The following GTF2H2C variants were observed in gnomAD, a reference collection of about 807,000 sequenced individuals.
GTF2H2C encodes the protein GTF2H2 family member C.
GTF2H2C carries 5 observed loss-of-function variants against 24.8 expected under a neutral mutation model. That is an observed-to-expected ratio of 0.20 (90% CI 0.11 to 0.42). GTF2H2C has a LOEUF of 0.42. Among genes scored for constraint, GTF2H2C ranks in the 20% least tolerant of loss-of-function variants. The probability of loss-of-function intolerance (pLI) is 1.00; values close to 1 mark genes in which losing one functional copy is unlikely to be tolerated. For missense variants in GTF2H2C, 45 were observed against 169.8 expected (o/e 0.27, Z 4.08); for synonymous variants, 14 against 52.6 (o/e 0.27, Z 3.18).
intron 12 of GTF2H2C, among the ~76,000 whole-genome samples, chr5:69,581,574 GTTAT>G (rs1293442090): frequency 7.1e-6 from 1 of 141,052 alleles, no homozygotes; most frequent in East Asian, 2.2e-4. Context: ...TCATTTTAAA[GTTAT>G]TTAAATTTAT....
chr5:69,593,797 C>G lies in GTF2H2C; in HGVS notation c.*1599C>G, dbSNP rs1241376285. On this transcript the variant is annotated 3_prime_UTR_variant, in exon 17 of 17. Transcript: ENST00000380729. ...TAAACATACAAAAAATTAGCTGGGC[C>G]TGGTGGCGGGCGCCTGTAGTCCCAG... 1 of 21,234 alleles carries G rather than the reference C, an allele frequency of 4.7e-5. No homozygotes were observed. Among genetic ancestry groups the G allele is most frequent in the African/African-American group, 1.6e-4 (1 of 6,072 alleles). The allele number at this position is 21,234 out of a possible 1,614,324, so 1.3% of individuals were successfully genotyped here.
intron 2 of GTF2H2C, among the ~76,000 whole-genome samples, chr5:69,564,796 C>A (rs1318219850): frequency 1.3e-5 from 2 of 151,176 alleles, no homozygotes; most frequent in African/African-American, 4.9e-5. Context: ...CCCATACTGA[C>A]TCCTCACAAG....
intron 2 of GTF2H2C, among the ~76,000 whole-genome samples, chr5:69,564,814 T>G (rs1271630649): frequency 1.3e-5 from 2 of 151,536 alleles, no homozygotes; most frequent in African/African-American, 4.8e-5. Flanking sequence ...AAGTCTACAG[T>G]TTGTCATGTG....
chr5:69,585,578 CT>C lies in GTF2H2C; in HGVS notation c.822-11del. The C allele has an allele frequency of 7.3e-5, 3 of 41,268 alleles. No individual in the cohort carries two copies. The highest frequency in any genetic ancestry group is 1.0e-3 in the African/African-American group (1 of 990). The allele number at this position is 41,268 out of a possible 1,614,324, so 2.6% of individuals were successfully genotyped here. Reference sequence around the variant, plus strand: ...ACTTTTCAGATCATTATATATTACCCTTTTTCCCCCTACAGGCATTTGGATG... The same window carrying C: ...ACTTTTCAGATCATTATATATTACCCTTTTCCCCCTACAGGCATTTGGATG... On this transcript the variant is annotated splice_polypyrimidine_tract_variant and intron_variant, in intron 13 of 16. Transcript: ENST00000380729.
intron 12 of GTF2H2C, among the ~76,000 whole-genome samples, chr5:69,580,435 T>A (rs1378244758): frequency 2.8e-5 from 4 of 141,202 alleles, no homozygotes; most frequent in African/African-American, 1.1e-4. Flanking sequence ...TAAAAATTTT[T>A]TAAAATAAGC....
At chr5:69,562,126 C>G (rs1561362215) in intron 1 of GTF2H2C, among the ~76,000 whole-genome samples, 3 of 152,186 alleles carry the variant, frequency 2.0e-5, no homozygotes, top group Non-Finnish European at 2.9e-5. Context: ...CGAGACCAGC[C>G]TGGCCACCAT....
chr5:69,587,612 CAA>C (rs1262481207), intron 15 of GTF2H2C, among the ~76,000 whole-genome samples: 4 of 79,814 alleles, frequency 5.0e-5, no homozygotes, highest in Admixed American at 1.1e-4. Context: ...AGCTGGGCGA[CAA>C]GAGCGAAACT....
rs372454225 is a variant in GTF2H2C, at chr5:69,563,208, G to GTTTT, written c.-34+459_-34+462dup. Reference sequence around the variant, plus strand: ...GATGTCAGCCATCATACCCGGCCTGGTTTTTTTTTTTTTTTTTTTTTTTTG... The same window carrying GTTTT: ...GATGTCAGCCATCATACCCGGCCTGGTTTTTTTTTTTTTTTTTTTTTTTTTTTTG... On this transcript the variant is annotated intron_variant, in intron 2 of 16. Coordinates refer to ENST00000380729, the MANE Select transcript of GTF2H2C (RefSeq NM_001376000.2). 4.5e-3 allele frequency among the ~76,000 whole-genome samples: 488 copies of GTTTT among 107,278 alleles called. 25 individuals are homozygous for GTTTT. Among genetic ancestry groups the GTTTT allele is most frequent in the African/African-American group, 0.02 (462 of 22,736 alleles). 70.4% of individuals were successfully genotyped at this position (107,278 alleles called of 152,430 possible).
chr5:69,591,431 G>A (rs1246096404), intron 16 of GTF2H2C, among the ~76,000 whole-genome samples: 1 of 140,460 alleles, frequency 7.1e-6, no homozygotes, highest in Non-Finnish European at 1.5e-5. Flanking sequence ...GTCATTGTCT[G>A]TGTTGTTTGA....
intron 1 of GTF2H2C, among the ~76,000 whole-genome samples, chr5:69,562,097 T>C (rs868489861): frequency 3.5e-4 from 53 of 152,058 alleles, no homozygotes; most frequent in African/African-American, 1.2e-3. Context: ...GGTGAGTGGG[T>C]CACCTGAGGT....
Position 69,589,875 on chromosome 5 carries a change from C to CTTTTTTTTTTT in GTF2H2C, c.1029-439_1029-429dup, listed in dbSNP as rs1160077149. Among the ~76,000 whole-genome samples the CTTTTTTTTTTT allele has an allele frequency of 5.0e-5, 3 of 60,360 alleles. 1 individual carries two copies. The highest frequency in any genetic ancestry group is 2.7e-5 in the Non-Finnish European group (1 of 36,366). The allele number at this position is 60,360 out of a possible 152,430, so 39.6% of individuals were successfully genotyped here. Reference sequence around the variant, plus strand: ...AATTTTTTTTTAAATTATTGCTATTCTTTTTTTTTTTTTTTTTTTTTTTTG... The same window carrying CTTTTTTTTTTT: ...AATTTTTTTTTAAATTATTGCTATTCTTTTTTTTTTTTTTTTTTTTTTTTTTTTTTTTTTTG... On this transcript the variant is annotated intron_variant, in intron 15 of 16. Coordinates refer to ENST00000380729, the MANE Select transcript of GTF2H2C (RefSeq NM_001376000.2).
intron 8 of GTF2H2C, chr5:69,568,784 C>T (rs1404912435): frequency 5.0e-5 from 4 of 80,548 alleles, no homozygotes; most frequent in Admixed American, 3.5e-4. Context: ...CTTGAGCCAC[C>T]GCATCCGGCC....
Position 69,563,217 on chromosome 5 carries a change from T to G in GTF2H2C, c.-34+447T>G, listed in dbSNP as rs1056333531. On this transcript the variant is annotated intron_variant, in intron 2 of 16. Transcript: ENST00000380729. ...CATCATACCCGGCCTGGTTTTTTTT[T>G]TTTTTTTTTTTTTTTGAGACGGAGT... Among the ~76,000 whole-genome samples, 18 of 145,196 alleles carry G rather than the reference T, an allele frequency of 1.2e-4. 1 individual carries two copies. Among genetic ancestry groups the G allele is most frequent in the African/African-American group, 4.3e-4 (16 of 37,432 alleles).
At chr5:69,561,165 T>C (rs529790871) in intron 1 of GTF2H2C, among the ~76,000 whole-genome samples, 2 of 152,086 alleles carry the variant, frequency 1.3e-5, no homozygotes, top group South Asian at 2.1e-4. Flanking sequence ...CATGCATGTT[T>C]ACAATCAGAC....
At chr5:69,573,131 A>G (rs1468435966) in intron 9 of GTF2H2C, among the ~76,000 whole-genome samples, 1 of 129,892 alleles carries the variant, frequency 7.7e-6, no homozygotes, top group East Asian at 2.1e-4. Context: ...TAAAGCTTAT[A>G]TATCTATTAT....
At chr5:69,570,516 C>G (rs1771025152) in intron 8 of GTF2H2C, among the ~76,000 whole-genome samples, 1 of 71,816 alleles carries the variant, frequency 1.4e-5, no homozygotes, top group African/African-American at 5.0e-5. Flanking sequence ...CAAAAACACT[C>G]TACCCAATTA....
intron 9 of GTF2H2C, among the ~76,000 whole-genome samples, chr5:69,573,247 G>C (rs565125075): frequency 2.2e-5 from 3 of 134,534 alleles, no homozygotes; most frequent in Admixed American, 7.7e-5. Flanking sequence ...ATGCAGTGGC[G>C]TGATCTCAGC....
At chr5:69,572,990 A>G (rs1168369160) in intron 9 of GTF2H2C, 3 of 108,568 alleles carry the variant, frequency 2.8e-5, no homozygotes, top group South Asian at 3.4e-4. Flanking sequence ...GAATAGAGCT[A>G]AGACCCCAAA....
rs1434757429 is a variant in GTF2H2C at position 69,579,738 on chromosome 5, TCCC to T, written c.650-18_650-16del. ...TTATGTCTATGAAGGTGTTTTTTTT[TCCC>T]TTTTCATCTTGTTAGGCACGTACCA... is the stretch of plus-strand genomic sequence containing the variant. On this transcript the variant is annotated splice_polypyrimidine_tract_variant and intron_variant, in intron 11 of 16. Transcript: ENST00000380729. 6.3e-7 allele frequency: 1 copy of T among 1,583,682 alleles called. No individual in the cohort carries two copies. The highest frequency in any genetic ancestry group is 1.8e-5 in the Admixed American group (1 of 55,266).
Sources: allele counts gnomAD v4.1 joint callset (sites outside exome capture counted in the v4.1 genomes callset), GRCh38; gene constraint gnomAD v4.1.1; transcripts MANE v1.5; gene names NCBI Gene and HGNC (gene_info 2026-07-23, HGNC 2026-07-21).